Variants in SPTBN5 observed in about 807,000 individuals in gnomAD.
SPTBN5 encodes the protein spectrin beta chain, non-erythrocytic 5.
A neutral mutation model predicts 477.6 loss-of-function variants in SPTBN5; 513 were observed. The observed-to-expected ratio is 1.07, with a 90% CI of 1.00 to 1.16. The LOEUF (loss-of-function observed/expected upper bound fraction) is 1.16. SPTBN5 is among the 50% of genes most tolerant of loss of function. The pLI is 0.00. For synonymous variants in SPTBN5, 2,169 were observed against 2,011.7 expected (o/e 1.08, Z -2.09); for missense variants, 5,062 against 4,731.8 (o/e 1.07, Z -2.05).
Position 41,883,438 on chromosome 15 carries a change from C to G in SPTBN5, c.1569G>C (p.Gln523His). Reference protein sequence around the residue: ...VRWQRLLQHLQGQRKQVADMQ... With the variant: ...VRWQRLLQHLHGQRKQVADMQ... Reference sequence around the variant, plus strand: ...TGTCTGCCACCTGCTTCCTCTGTCCCTGTAGATGCTGAAGGAGCCTCTGCC... The same window carrying G: ...TGTCTGCCACCTGCTTCCTCTGTCCGTGTAGATGCTGAAGGAGCCTCTGCC... Residue 523 changes from glutamine (Q) to histidine (H), a missense_variant, in exon 8 of 68, where the codon CAG becomes CAC. Transcript: ENST00000320955. 6.2e-7 allele frequency: 1 copy of G among 1,613,996 alleles called. No individual in the cohort carries two copies. The highest frequency in any genetic ancestry group is 2.2e-5 in the East Asian group (1 of 44,882).
intron 67 of SPTBN5, 38 bp downstream of exon 67, chr15:41,849,831 G>C: frequency 6.6e-7 from 1 of 1,517,072 alleles, no homozygotes; most frequent in Non-Finnish European, 9.0e-7. Flanking sequence ...CTGAAGCCCA[G>C]GGCTCCCCGC....
In SPTBN5 at chr15:41,862,351, A is replaced by C. The variant is rs916909106; in HGVS notation, c.7386-59T>G. ...CTTCAAACCCCTCTCCCCCATGCCC[A>C]CTGGTGTCTTCTGTCCCTTAATCCC... On this transcript the variant is annotated intron_variant, in intron 43 of 67. Transcript: ENST00000320955. 3.9e-6 allele frequency: 6 copies of C among 1,544,214 alleles called. No homozygotes were observed. The African/African-American group carries it at 8.2e-5, about 21-fold the overall frequency.
At position 41,882,661 on chromosome 15, in the gene SPTBN5, T is replaced by C. The variant is rs773685936; in HGVS notation, c.1970A>G (p.Glu657Gly). Residue 657 changes from glutamate (E) to glycine (G), a missense_variant, in exon 10 of 68, where the codon GAG becomes GGG. Transcript: ENST00000320955. ...CGCATTCCCCACCCGCTGTCCGCAC[T>C]CCTTCAGCCAGGCTTCCTCCTCCTC... is the stretch of plus-strand genomic sequence containing the variant. ...NCEEEEAWLK[E>G]CGQRVGNAAL... 6.2e-7 allele frequency: 1 copy of C among 1,608,516 alleles called. No homozygotes were observed. Among genetic ancestry groups the C allele is most frequent in the African/African-American group, 1.3e-5 (1 of 74,978 alleles).
rs2065820486 is a variant in SPTBN5, at chr15:41,852,932, C to T, written c.10239G>A (p.Trp3413Ter). The T allele has an allele frequency of 6.3e-7, 1 of 1,586,708 alleles. No individual in the cohort carries two copies. Among genetic ancestry groups the T allele is most frequent in the African/African-American group, 1.3e-5 (1 of 74,176 alleles). The change falls in exon 60 of 68, where the codon TGG (tryptophan) becomes TGA (stop). Residue 3413 changes from tryptophan (W) to a stop codon, truncating the protein, a stop_gained. Transcript: ENST00000320955. LOFTEE classifies it high-confidence loss of function. ...QELEEAWALR[W>*]QRCAESWGLQ... is the part of the protein sequence containing the mutation. ...GGCCCCAGCTCTCGGCACAGCGTTGCCAGCGCAGGGCCCAAGCCTCCTCCA... is the reference window on the plus strand; with the variant it reads ...GGCCCCAGCTCTCGGCACAGCGTTGTCAGCGCAGGGCCCAAGCCTCCTCCA...
intron 57 of SPTBN5, 40 bp downstream of exon 57, chr15:41,854,010 C>A (rs1331060744): frequency 6.6e-6 from 10 of 1,526,534 alleles, no homozygotes; most frequent in Non-Finnish European, 7.0e-6. Context: ...CGCCTTCGGG[C>A]AGGGGCTCAG....
intron 46 of SPTBN5, among the ~76,000 whole-genome samples, chr15:41,860,997 C>T (rs1595456893): frequency 6.6e-6 from 1 of 152,388 alleles, no homozygotes; most frequent in East Asian, 1.9e-4. Flanking sequence ...AGAGCTTTTT[C>T]ATTTAAGGTG....
At chr15:41,867,773 G>T in intron 34 of SPTBN5, 131 bp from the exon 35 acceptor site, 1 of 914,068 alleles carries the variant, frequency 1.1e-6, no homozygotes, top group Non-Finnish European at 1.8e-6. Flanking sequence ...GCATGGAGCT[G>T]TGAGGAGTGG....
chr15:41,860,902 G>T, intron 46 of SPTBN5, 144 bp from the exon 47 acceptor site: 1 of 838,604 alleles, frequency 1.2e-6, no homozygotes, highest in Non-Finnish European at 1.7e-6. Flanking sequence ...CATCCCTCAA[G>T]GCTGTTTCCA....
chr15:41,868,542 A>T lies in SPTBN5; in HGVS notation c.5913T>A (p.Ser1971Arg). 6.2e-7 allele frequency: 1 copy of T among 1,605,522 alleles called. No individual in the cohort carries two copies. The highest frequency in any genetic ancestry group is 1.1e-5 in the South Asian group (1 of 91,060). The change falls in exon 33 of 68, where the codon AGT becomes AGA. Residue 1971 changes from serine (S) to arginine (R), a missense_variant. Transcript: ENST00000320955. ...GCGGGCCACTGCTAGGCTCTTGCGA[A>T]CTCTCCTCCACCTGCAGGTCCTGGC... ...RVRQDLQVEE[S>R]SQEPSSGPLK...
chr15:41,857,688 CCCTGCAGCAGCCTCTGTCCCT>C lies in SPTBN5; in HGVS notation c.8228_8248del (p.Glu2743_Gln2749del). On this transcript the variant is annotated inframe_deletion and splice_region_variant, in exon 50 of 68. Coordinates refer to ENST00000320955, the MANE Select transcript of SPTBN5 (RefSeq NM_016642.4). ...GATGGCCTCCGAGGCTGGGTGGCCC[CCCTGCAGCAGCCTCTGTCCCT>C]CCTGCAGCCACAACATGAAACACAC... The C allele has an allele frequency of 3.2e-6, 5 of 1,580,320 alleles. No homozygotes were observed. In the South Asian group the frequency reaches 5.8e-5, roughly 18 times the overall value.
intron 66 of SPTBN5, 70 bp downstream of exon 66, chr15:41,850,782 AAC>A (rs1397644027): frequency 7.4e-7 from 1 of 1,354,344 alleles, no homozygotes; most frequent in Non-Finnish European, 1.0e-6. Flanking sequence ...GGATGCATAA[AAC>A]ACTAGGGGCC....
Position 41,862,332 on chromosome 15 carries a change from ACC to A in SPTBN5, c.7386-42_7386-41del, listed in dbSNP as rs1207677968. 3 of 1,558,000 alleles carry A rather than the reference ACC, an allele frequency of 1.9e-6. No homozygotes were observed. The African/African-American group carries it at 4.1e-5, about 21-fold the overall frequency. On this transcript the variant is annotated intron_variant, in intron 43 of 67. Coordinates refer to ENST00000320955, the MANE Select transcript of SPTBN5 (RefSeq NM_016642.4). ...CATCAGCTAGTCGTCAGGCCTTCAA[ACC>A]CCTCTCCCCCATGCCCACTGGTGTC...
At chr15:41,891,552 G>A (rs2067314231) in intron 3 of SPTBN5, among the ~76,000 whole-genome samples, 10 of 152,286 alleles carry the variant, frequency 6.6e-5, no homozygotes, top group Admixed American at 5.9e-4. Flanking sequence ...ACCGTGATGG[G>A]GGGTATTAAC....
rs2065845162 is a variant in SPTBN5 at position 41,853,616 on chromosome 15, C to G, written c.9946G>C (p.Gly3316Arg). 1 of 1,590,126 alleles carries G rather than the reference C, an allele frequency of 6.3e-7. No homozygotes were observed. The highest frequency in any genetic ancestry group is 1.3e-5 in the African/African-American group (1 of 74,670). ...RGQWLAQAAQ[G>R]HAFLGRCQEL... ...TGGCAGCGCCCGAGGAAGGCATGGC[C>G]CTGTGCAGCCTGCGCCAGCCACTGG... Residue 3316 changes from glycine (G) to arginine (R), a missense_variant, in exon 58 of 68, where the codon GGC becomes CGC. Coordinates refer to ENST00000320955, the MANE Select transcript of SPTBN5 (RefSeq NM_016642.4).
chr15:41,889,390 G>T (rs910644614), intron 4 of SPTBN5, among the ~76,000 whole-genome samples: 2 of 152,042 alleles, frequency 1.3e-5, no homozygotes, highest in Admixed American at 1.3e-4. Flanking sequence ...TGGAAATCAT[G>T]AAACTATGAA....
In SPTBN5 at chr15:41,882,418, G is replaced by T. The variant is rs1234876345; in HGVS notation, c.2098C>A (p.Arg700=). Residue 700 remains arginine, a synonymous_variant, in exon 11 of 68, where the codon CGG becomes AGG. Coordinates refer to ENST00000320955, the MANE Select transcript of SPTBN5 (RefSeq NM_016642.4). ...CGGGCGCTGAGGTCGCGTCCCCTCCGCACGAGATCTACGCACACGGCCTGG... is the reference window on the plus strand; with the variant it reads ...CGGGCGCTGAGGTCGCGTCCCCTCCTCACGAGATCTACGCACACGGCCTGG... ...RHQAVCVDLV[R]RGRDLSARRP... The T allele has an allele frequency of 4.5e-6, 7 of 1,539,734 alleles. No individual in the cohort carries two copies. Among genetic ancestry groups the T allele is most frequent in the Non-Finnish European group, 6.1e-6 (7 of 1,149,438 alleles).
Position 41,861,759 on chromosome 15 carries a change from C to G in SPTBN5, c.7713G>C (p.Gln2571His). 2 of 1,551,372 alleles carry G rather than the reference C, an allele frequency of 1.3e-6. No individual in the cohort carries two copies. The highest frequency in any genetic ancestry group is 1.7e-6 in the Non-Finnish European group (2 of 1,152,264). ...LEGAWQEHQL[Q>H]LQQALELQLF... is the part of the protein sequence containing the mutation. Reference sequence around the variant, plus strand: ...CCTGTAGCTCCAGGGCCTGCTGCAGCTGTAGCTGATGCTCCTGCCAGGCCC... The same window carrying G: ...CCTGTAGCTCCAGGGCCTGCTGCAGGTGTAGCTGATGCTCCTGCCAGGCCC... The change falls in exon 45 of 68, where the codon CAG becomes CAC. Residue 2571 changes from glutamine (Q) to histidine (H), a missense_variant. Gln to His is a conservative substitution (Grantham distance 24). Transcript: ENST00000320955.
chr15:41,881,722 C>T (rs2066959271), intron 12 of SPTBN5, among the ~76,000 whole-genome samples: 1 of 152,196 alleles, frequency 6.6e-6, no homozygotes, highest in African/African-American at 2.4e-5. Context: ...TTTGGATGCC[C>T]TCGGTTGACG....
At chr15:41,867,441 C>G in intron 35 of SPTBN5, 97 bp downstream of exon 35, 1 of 1,193,240 alleles carries the variant, frequency 8.4e-7, no homozygotes, top group Non-Finnish European at 1.2e-6. Flanking sequence ...CTCATCAGCA[C>G]TGCCTCCAGG....
Sources: gnomAD v4.1 joint callset for allele counts (sites outside exome capture counted in the v4.1 genomes callset) on GRCh38, gnomAD v4.1.1 for gene constraint, MANE v1.5 for transcripts, NCBI Gene and HGNC (gene_info 2026-07-23, HGNC 2026-07-21) for gene names.